The following DNAJC10 variants were observed in gnomAD, a reference collection of about 807,000 sequenced individuals.
DNAJC10 encodes the protein DnaJ heat shock protein family (Hsp40) member C10, also known as endoplasmic reticulum disulfide reductase DNAJC10.
A neutral mutation model predicts 115.0 loss-of-function variants in DNAJC10; 101 were observed. That is an observed-to-expected ratio of 0.88 (90% CI 0.75 to 1.04). DNAJC10 has a LOEUF of 1.04. Among genes scored for constraint, DNAJC10 ranks in the 50% least tolerant of loss-of-function variants. The pLI is 0.00. For missense variants in DNAJC10, 981 were observed against 928.8 expected (o/e 1.06, Z -0.73); for synonymous variants, 307 against 301.5 (o/e 1.02, Z -0.19).
Position 182,789,898 on chromosome 2 carries a change from G to A in DNAJC10, c.*12766G>A, listed in dbSNP as rs1339001686. 1 of 152,086 alleles carries A rather than the reference G, an allele frequency of 6.6e-6. No homozygotes were observed. The highest frequency in any genetic ancestry group is 6.5e-5 in the Admixed American group (1 of 15,272). The allele number at this position is 152,086 out of a possible 1,614,324, so 9.4% of individuals were successfully genotyped here. ...TCATATCCCATTGGAGTTTTGATTTGTACTTTTAGAGTCTTTAAATTATTA... is the reference window on the plus strand; with the variant it reads ...TCATATCCCATTGGAGTTTTGATTTATACTTTTAGAGTCTTTAAATTATTA... On this transcript the variant is annotated 3_prime_UTR_variant, in exon 24 of 24. Coordinates refer to ENST00000264065, the MANE Select transcript of DNAJC10 (RefSeq NM_018981.4).
chr2:182,752,555 T>G (rs1694050364), intron 16 of DNAJC10: 2 of 921,314 alleles, frequency 2.2e-6, no homozygotes. Context: ...TAAGTATATT[T>G]GCTGGAAAGA....
chr2:182,772,876 G>A (rs2105706320), intron 22 of DNAJC10, among the ~76,000 whole-genome samples: 1 of 152,274 alleles, frequency 6.6e-6, no homozygotes, highest in African/African-American at 2.4e-5. Flanking sequence ...ATTTGATCCT[G>A]TCATTATGAT....
intron 21 of DNAJC10, among the ~76,000 whole-genome samples, chr2:182,759,950 C>G (rs1238397032): frequency 6.6e-6 from 1 of 152,092 alleles, no homozygotes; most frequent in Non-Finnish European, 1.5e-5. Flanking sequence ...CTTTGTTGTT[C>G]AAGAGTCATC....
At position 182,718,125 on chromosome 2, in the gene DNAJC10, C is replaced by G; in HGVS notation, c.39C>G (p.Asp13Glu). The change falls in exon 3 of 24, where the codon GAC becomes GAG. Residue 13 changes from aspartate to glutamate, a missense_variant. Physicochemically the swap from Asp to Glu is conservative, Grantham distance 45 (BLOSUM62 2). Coordinates refer to ENST00000264065, the MANE Select transcript of DNAJC10 (RefSeq NM_018981.4). ...TAAATAAAGATGACTATATCAGAGA[C>G]TTGAAAAGGATCATTCTCTGTTTTC... is the stretch of plus-strand genomic sequence containing the variant. ...VWLNKDDYIR[D>E]LKRIILCFLI... 6.2e-7 allele frequency: 1 copy of G among 1,612,196 alleles called. No homozygotes were observed. Among genetic ancestry groups the G allele is most frequent in the Non-Finnish European group, 8.5e-7 (1 of 1,179,300 alleles).
chr2:182,762,308 C>G (rs1284468406), intron 21 of DNAJC10, among the ~76,000 whole-genome samples: 1 of 152,012 alleles, frequency 6.6e-6, no homozygotes, highest in African/African-American at 2.4e-5. Context: ...GTAAGTCAGC[C>G]TTCACGAGAC....
At position 182,750,924 on chromosome 2, in the gene DNAJC10, G is replaced by A. The variant is rs59006582; in HGVS notation, c.1307-734G>A. 2.8e-3 allele frequency among the ~76,000 whole-genome samples: 431 copies of A among 152,204 alleles called. 2 individuals are homozygous for A. Among genetic ancestry groups the A allele is most frequent in the African/African-American group, 9.6e-3 (399 of 41,556 alleles). ...TATGCAGGACTGTATTGTGTTTGAC[G>A]TGTTTACGTGATATCCAAGTACAGT... On this transcript the variant is annotated intron_variant, in intron 14 of 23. Coordinates refer to ENST00000264065, the MANE Select transcript of DNAJC10 (RefSeq NM_018981.4).
intron 18 of DNAJC10, 21 bp from the exon 19 acceptor site, chr2:182,757,671 A>G (rs748120431): frequency 1.3e-6 from 2 of 1,484,884 alleles, no homozygotes; most frequent in Non-Finnish European, 9.0e-7. Flanking sequence ...TTATGGAGGT[A>G]ATCTGTTTTT....
chr2:182,739,126 C>A (rs1693661596), intron 11 of DNAJC10, among the ~76,000 whole-genome samples: 1 of 148,726 alleles, frequency 6.7e-6, no homozygotes, highest in Non-Finnish European at 1.5e-5. Context: ...TCTTTGATAG[C>A]AGGAACTATT....
Position 182,770,213 on chromosome 2 carries a change from T to C in DNAJC10, c.2266-5103T>C, listed in dbSNP as rs1338967207. ...ACCAGTACCATGCTGTTTTGGTTAC[T>C]GTAGCCTTGTAGTATAGTTTGAAGA... On this transcript the variant is annotated intron_variant, in intron 22 of 23. Transcript: ENST00000264065. Among the ~76,000 whole-genome samples, 14 of 152,376 alleles carry C rather than the reference T, an allele frequency of 9.2e-5. No homozygotes were observed. In the East Asian group the frequency reaches 2.5e-3, roughly 27 times the overall value.
intron 5 of DNAJC10, among the ~76,000 whole-genome samples, chr2:182,725,741 C>G (rs1693266735): frequency 6.6e-6 from 1 of 152,112 alleles, no homozygotes; most frequent in Admixed American, 6.6e-5. Flanking sequence ...GATGAAGCAG[C>G]AAGTCCCGAC....
At position 182,756,701 on chromosome 2, in the gene DNAJC10, G is replaced by T. The variant is rs898367048; in HGVS notation, c.1809+232G>T. Among the ~76,000 whole-genome samples, 5 of 152,100 alleles carry T rather than the reference G, an allele frequency of 3.3e-5. No individual in the cohort carries two copies. In the South Asian group the frequency reaches 1.0e-3, roughly 32 times the overall value. The stretch of plus-strand genomic sequence containing the variant: ...CTTTTTTTTTTTGGTCGGGTAGCAG[G>T]GGGCAGAGTCTCGCTCTGGAGTGCA... On this transcript the variant is annotated intron_variant, in intron 18 of 23. Transcript: ENST00000264065.
intron 16 of DNAJC10, among the ~76,000 whole-genome samples, chr2:182,753,579 GTTTTTTTTTTTTT>G (rs56151760): frequency 1.0e-5 from 1 of 99,400 alleles, no homozygotes; most frequent in Non-Finnish European, 1.9e-5. Flanking sequence ...CTTTAGTTTA[GTTTTTTTTTTTTT>G]TTTTTTTTGA....
rs1314415093 is a variant in DNAJC10 at position 182,739,495 on chromosome 2, T to A, written c.988-804T>A. The A allele has an allele frequency of 4.3e-6, 5 of 1,174,456 alleles. No homozygotes were observed. In the African/African-American group the frequency reaches 6.4e-5, roughly 15 times the overall value. The allele number at this position is 1,174,456 out of a possible 1,614,324, so 72.8% of individuals were successfully genotyped here. On this transcript the variant is annotated intron_variant, in intron 11 of 23. Transcript: ENST00000264065. ...ATATTAAACTCTGTTTTGTCAACTT[T>A]CATATACATTTTCTTGATGTAACCA...
At chr2:182,718,330 T>G (rs1693053990) in intron 3 of DNAJC10, 40 bp downstream of exon 3, 1 of 1,456,972 alleles carries the variant, frequency 6.9e-7, no homozygotes, top group Non-Finnish European at 9.3e-7. Flanking sequence ...TGATTATATT[T>G]TTGGTACATT....
chr2:182,759,820 T>C (rs1694246912), intron 21 of DNAJC10, among the ~76,000 whole-genome samples: 1 of 152,088 alleles, frequency 6.6e-6, no homozygotes, highest in Non-Finnish European at 1.5e-5. Context: ...TCTGTGCAGC[T>C]CAGGCCTCAC....
At chr2:182,763,917 A>G (rs1694348837) in intron 22 of DNAJC10, among the ~76,000 whole-genome samples, 1 of 152,180 alleles carries the variant, frequency 6.6e-6, no homozygotes, top group South Asian at 2.1e-4. Flanking sequence ...CTAAATGCAT[A>G]TGTTTAACCC....
intron 9 of DNAJC10, 138 bp from the exon 10 acceptor site, chr2:182,732,361 T>G (rs1019184970): frequency 3.9e-6 from 3 of 773,446 alleles, no homozygotes; most frequent in African/African-American, 3.4e-5. Context: ...TGTAGAAGGA[T>G]TTCCATATCT....
chr2:182,742,996 G>A (rs1693775209), intron 13 of DNAJC10, among the ~76,000 whole-genome samples: 1 of 152,000 alleles, frequency 6.6e-6, no homozygotes, highest in Non-Finnish European at 1.5e-5. Context: ...ACAGGTGCAA[G>A]CCACCATGCC....
At position 182,793,829 on chromosome 2, in the gene DNAJC10, C is replaced by A. The variant is rs1169317592; in HGVS notation, c.*16697C>A. ...CCAGAGAGGAAACACATCACACACA[C>A]ACACACACACACACACACACACACA... On this transcript the variant is annotated 3_prime_UTR_variant, in exon 24 of 24. Transcript: ENST00000264065. The A allele has an allele frequency of 7.2e-6, 1 of 139,612 alleles. No individual in the cohort carries two copies. Among genetic ancestry groups the A allele is most frequent in the African/African-American group, 2.8e-5 (1 of 36,160 alleles). 8.6% of individuals were successfully genotyped at this position (139,612 alleles called of 1,614,324 possible). A position where few individuals can be genotyped will look rare whatever the true frequency, so the allele number is the denominator to read the frequency against.
Sources: allele counts gnomAD v4.1 joint callset (sites outside exome capture counted in the v4.1 genomes callset), GRCh38; gene constraint gnomAD v4.1.1; transcripts MANE v1.5; gene names NCBI Gene and HGNC (gene_info 2026-07-23, HGNC 2026-07-21).